The following CPE variants were observed in gnomAD, a reference collection of about 807,000 sequenced individuals.
CPE encodes the protein carbocypeptidase E.
A neutral mutation model predicts 53.5 loss-of-function variants in CPE; 17 were observed. That is an observed-to-expected ratio of 0.32 (90% CI 0.22 to 0.48). The LOEUF (loss-of-function observed/expected upper bound fraction) is 0.48. Among genes scored for constraint, CPE ranks in the 20% least tolerant of loss-of-function variants. The pLI is 0.99. For missense variants in CPE, 524 were observed against 614.7 expected (o/e 0.85, Z 1.56); for synonymous variants, 226 against 228.8 (o/e 0.99, Z 0.11).
chr4:165,466,007 G>A (rs941444322), intron 2 of CPE, among the ~76,000 whole-genome samples: 14 of 151,968 alleles, frequency 9.2e-5, no homozygotes, highest in African/African-American at 1.4e-4. Flanking sequence ...ATTATTCATC[G>A]AACATATTTT....
At chr4:165,466,273 CAT>C (rs1321803843) in intron 2 of CPE, among the ~76,000 whole-genome samples, 3 of 152,066 alleles carry the variant, frequency 2.0e-5, no homozygotes, top group Non-Finnish European at 2.9e-5. Flanking sequence ...TGTATCTAAA[CAT>C]AGAAAAGGTA....
intron 1 of CPE, among the ~76,000 whole-genome samples, chr4:165,384,943 TTTTG>T (rs1030304276): frequency 2.0e-5 from 3 of 152,192 alleles, no homozygotes; most frequent in African/African-American, 4.8e-5. Flanking sequence ...GGAGAAATAA[TTTTG>T]TTTGTTTGCT....
chr4:165,422,469 A>G (rs1731242140), intron 1 of CPE, among the ~76,000 whole-genome samples: 1 of 152,176 alleles, frequency 6.6e-6, no homozygotes, highest in African/African-American at 2.4e-5. Flanking sequence ...GAACAATCCT[A>G]AAGCTTTTTA....
intron 1 of CPE, among the ~76,000 whole-genome samples, chr4:165,402,116 A>T (rs1356984217): frequency 6.6e-6 from 1 of 152,224 alleles, no homozygotes; most frequent in Non-Finnish European, 1.5e-5. Context: ...AAATGTAATA[A>T]AGCTTCTTTA....
chr4:165,386,427 C>A, intron 1 of CPE: 1 of 393,626 alleles, frequency 2.5e-6, no homozygotes, highest in African/African-American at 2.3e-5. Flanking sequence ...CTCAAATAGG[C>A]AAAAATGCAT....
In CPE at chr4:165,484,484, T is replaced by C; in HGVS notation, c.853T>C (p.Tyr285His). ...DAIFQSLARA[Y>H]SSFNPAMSDP... Reference sequence around the variant, plus strand: ...CATTTTCCAAAGCTTGGCCCGGGCATACTCTTCTTTCAACCCGGCCATGTC... The same window carrying C: ...CATTTTCCAAAGCTTGGCCCGGGCACACTCTTCTTTCAACCCGGCCATGTC... The change falls in exon 5 of 9, where the codon TAC becomes CAC. Residue 285 changes from tyrosine (Y) to histidine (H), a missense_variant. Physicochemically the swap from Tyr to His is moderately conservative, Grantham distance 83. Coordinates refer to ENST00000402744, the MANE Select transcript of CPE (RefSeq NM_001873.4). 6.2e-7 allele frequency: 1 copy of C among 1,614,030 alleles called. No individual in the cohort carries two copies. Among genetic ancestry groups the C allele is most frequent in the Non-Finnish European group, 8.5e-7 (1 of 1,179,916 alleles).
intron 1 of CPE, among the ~76,000 whole-genome samples, chr4:165,426,744 C>T (rs1221298876): frequency 6.6e-6 from 1 of 152,132 alleles, no homozygotes; most frequent in East Asian, 1.9e-4. Flanking sequence ...CACGGTTAAC[C>T]CTTTGTTACA....
intron 4 of CPE, among the ~76,000 whole-genome samples, chr4:165,483,072 G>T (rs1732443705): frequency 6.6e-6 from 1 of 151,176 alleles, no homozygotes; most frequent in Admixed American, 6.6e-5. Flanking sequence ...ACATAATGGT[G>T]AGGTTTGGGT....
intron 1 of CPE, among the ~76,000 whole-genome samples, chr4:165,424,288 CTG>C (rs1731279161): frequency 6.6e-6 from 1 of 150,834 alleles, no homozygotes; most frequent in East Asian, 2.0e-4. Flanking sequence ...TGTACATACT[CTG>C]TTTTTTTTTT....
At chr4:165,406,658 G>A (rs1730958872) in intron 1 of CPE, among the ~76,000 whole-genome samples, 1 of 152,134 alleles carries the variant, frequency 6.6e-6, no homozygotes, top group Non-Finnish European at 1.5e-5. Flanking sequence ...GTTTATAGTA[G>A]ATCCACAGTG....
Position 165,498,497 on chromosome 4 carries a change from A to C in CPE, c.*887A>C, listed in dbSNP as rs559773106. Among the ~76,000 whole-genome samples the C allele has an allele frequency of 6.6e-6, 1 of 152,332 alleles. No individual in the cohort carries two copies. Among genetic ancestry groups the C allele is most frequent in the Non-Finnish European group, 1.5e-5 (1 of 68,034 alleles). ...CTCTATGTATGTTATTGTGGCAGGC[A>C]AAAGGTTCTGATTTTGGGCACAACC... On this transcript the variant is annotated 3_prime_UTR_variant, in exon 9 of 9. Transcript: ENST00000402744.
At chr4:165,418,189 C>T (rs1479905008) in intron 1 of CPE, 2 of 152,168 alleles carry the variant, frequency 1.3e-5, no homozygotes, top group Admixed American at 1.3e-4. Flanking sequence ...TGAGTACAGC[C>T]CACTGATTGA....
chr4:165,433,080 G>A (rs547793775), intron 1 of CPE, among the ~76,000 whole-genome samples: 1 of 152,340 alleles, frequency 6.6e-6, no homozygotes, highest in Non-Finnish European at 1.5e-5. Flanking sequence ...AATAGAATAA[G>A]TGTTTCAATG....
At chr4:165,493,982 C>T (rs998390559) in intron 7 of CPE, among the ~76,000 whole-genome samples, 2 of 152,196 alleles carry the variant, frequency 1.3e-5, no homozygotes, top group African/African-American at 4.8e-5. Flanking sequence ...AAACTCTTTA[C>T]AATTTTTTTT....
At chr4:165,393,312 G>C (rs1024326962) in intron 1 of CPE, among the ~76,000 whole-genome samples, 1 of 152,150 alleles carries the variant, frequency 6.6e-6, no homozygotes, top group African/African-American at 2.4e-5. Context: ...CATGCAGTTT[G>C]TCAGATGCTT....
chr4:165,442,029 T>C (rs1731621420), intron 1 of CPE, among the ~76,000 whole-genome samples: 2 of 100,110 alleles, frequency 2.0e-5, no homozygotes, highest in South Asian at 5.7e-4. Context: ...GTTTGTTTTT[T>C]TTTTTTGTTT....
chr4:165,466,985 T>A (rs10008007), intron 2 of CPE, among the ~76,000 whole-genome samples: 26,223 of 152,178 alleles, frequency 0.17, 3,252 homozygotes, highest in African/African-American at 0.35. Flanking sequence ...AAAACTTTTT[T>A]AAAGCATTTT....
chr4:165,409,114 G>T (rs1730996781), intron 1 of CPE, among the ~76,000 whole-genome samples: 1 of 152,160 alleles, frequency 6.6e-6, no homozygotes, highest in Admixed American at 6.5e-5. Flanking sequence ...GGAGTGGGTG[G>T]TGGTTCCGGA....
At chr4:165,458,305 T>C (rs1290651013) in intron 1 of CPE, among the ~76,000 whole-genome samples, 1 of 152,238 alleles carries the variant, frequency 6.6e-6, no homozygotes, top group Admixed American at 6.5e-5. Flanking sequence ...AATGGGGTTT[T>C]ACCTGTGGAA....
Sources: gnomAD v4.1 joint callset for allele counts (sites outside exome capture counted in the v4.1 genomes callset) on GRCh38, gnomAD v4.1.1 for gene constraint, MANE v1.5 for transcripts, NCBI Gene and HGNC (gene_info 2026-07-23, HGNC 2026-07-21) for gene names.